ARHGEF37: variants seen among roughly 807,000 people sequenced by gnomAD.
ARHGEF37 encodes Rho guanine nucleotide exchange factor 37, also known as Rho guanine nucleotide exchange factor (GEF) 37.
A neutral mutation model predicts 71.1 loss-of-function variants in ARHGEF37; 55 were observed. The observed-to-expected ratio is 0.77, with a 90% confidence interval of 0.62 to 0.97. The LOEUF is 0.97. Ranked by LOEUF, ARHGEF37 falls within the 50% of genes least tolerant of loss-of-function variation. The pLI, the probability that ARHGEF37 is intolerant of heterozygous loss-of-function variation, is 0.00. For synonymous variants in ARHGEF37, 327 were observed against 350.6 expected (o/e 0.93, Z 0.75); for missense variants, 765 against 836.8 (o/e 0.91, Z 1.06).
At chr5:149,615,240 G>A (rs1257167351) in intron 4 of ARHGEF37, among the ~76,000 whole-genome samples, 3 of 150,984 alleles carry the variant, frequency 2.0e-5, no homozygotes, top group African/African-American at 4.9e-5. Flanking sequence ...GTGTATCCTC[G>A]TACTCCTGGG....
In ARHGEF37 at chr5:149,609,539, C is replaced by A; in HGVS notation, c.311-9C>A. On this transcript the variant is annotated splice_polypyrimidine_tract_variant and intron_variant, in intron 3 of 12. Transcript: ENST00000333677. ...CCTTGACGACCCCTTGTTGCGTCTTCACTCTCAGGTAACATATTTCTGGAA... is the reference window on the plus strand; with the variant it reads ...CCTTGACGACCCCTTGTTGCGTCTTAACTCTCAGGTAACATATTTCTGGAA... The A allele has an allele frequency of 1.2e-6, 2 of 1,613,666 alleles. No individual in the cohort carries two copies. The highest frequency in any genetic ancestry group is 1.1e-5 in the South Asian group (1 of 91,032).
intron 10 of ARHGEF37, among the ~76,000 whole-genome samples, chr5:149,626,690 A>G (rs1202092632): frequency 6.6e-6 from 1 of 152,200 alleles, no homozygotes; most frequent in Non-Finnish European, 1.5e-5. Context: ...AACCAGATGA[A>G]TAAGGTCTGG....
chr5:149,626,464 C>T (rs749620643), intron 10 of ARHGEF37, among the ~76,000 whole-genome samples: 1 of 152,092 alleles, frequency 6.6e-6, no homozygotes, highest in Non-Finnish European at 1.5e-5. Flanking sequence ...AAAGTGCCAC[C>T]GAATCATTCT....
chr5:149,583,222 C>T (rs556060023), intron 1 of ARHGEF37, among the ~76,000 whole-genome samples: 9 of 152,172 alleles, frequency 5.9e-5, no homozygotes, highest in Non-Finnish European at 8.8e-5. Context: ...CTGCAACCTC[C>T]GCCTCCCGGG....
At chr5:149,614,445 C>G (rs1247235644) in intron 4 of ARHGEF37, among the ~76,000 whole-genome samples, 1 of 152,034 alleles carries the variant, frequency 6.6e-6, no homozygotes, top group Non-Finnish European at 1.5e-5. Context: ...AAGTATTGTC[C>G]AAATTACCTT....
intron 1 of ARHGEF37, among the ~76,000 whole-genome samples, chr5:149,568,667 T>G (rs1037709464): frequency 3.3e-5 from 5 of 151,926 alleles, no homozygotes; most frequent in African/African-American, 1.2e-4. Flanking sequence ...AAAAATTAGC[T>G]GGGCATGGCA....
At chr5:149,617,778 G>A (rs1024711056) in intron 5 of ARHGEF37, among the ~76,000 whole-genome samples, 5 of 152,172 alleles carry the variant, frequency 3.3e-5, no homozygotes, top group Admixed American at 6.5e-5. Context: ...AGTCAGGACC[G>A]GGAAGCGTGG....
chr5:149,591,919 T>C (rs573118645), intron 1 of ARHGEF37, among the ~76,000 whole-genome samples: 3 of 152,236 alleles, frequency 2.0e-5, no homozygotes, highest in Non-Finnish European at 4.4e-5. Context: ...ATTTTTTACT[T>C]ATACATTTTT....
At chr5:149,627,523 G>A (rs1225437850) in intron 11 of ARHGEF37, among the ~76,000 whole-genome samples, 2 of 152,232 alleles carry the variant, frequency 1.3e-5, no homozygotes, top group East Asian at 3.9e-4. Context: ...TGTGCTGGGC[G>A]CTGAGCATAT....
intron 5 of ARHGEF37, 109 bp from the exon 6 acceptor site, chr5:149,618,067 C>A: frequency 6.8e-7 from 1 of 1,464,622 alleles, no homozygotes; most frequent in Non-Finnish European, 9.4e-7. Flanking sequence ...ATGAATGTGA[C>A]CCTGATGGAG....
chr5:149,619,121 A>G, intron 7 of ARHGEF37, 79 bp downstream of exon 7: 1 of 1,183,336 alleles, frequency 8.5e-7, no homozygotes. Context: ...CCCAGCCTAC[A>G]AGCTGGGAAA....
In ARHGEF37 at chr5:149,600,214, A is replaced by G. The variant is rs140643767; in HGVS notation, c.187-894A>G. Among the ~76,000 whole-genome samples the G allele has an allele frequency of 2.2e-3, 331 of 152,338 alleles. 2 individuals carry two copies. The highest frequency in any genetic ancestry group is 7.3e-3 in the African/African-American group (304 of 41,578). ...AAATATGATATTATAATCCTATGAG[A>G]TCACCCTGGTATATGCAGTTTATCA... On this transcript the variant is annotated intron_variant, in intron 2 of 12. Transcript: ENST00000333677.
upstream of ARHGEF37, among the ~76,000 whole-genome samples, chr5:149,578,997 A>G (rs190345948): frequency 2.6e-4 from 40 of 152,300 alleles, no homozygotes; most frequent in African/African-American, 9.6e-4. Flanking sequence ...CAAATGAAAA[A>G]TATTATCCAG....
chr5:149,628,054 G>A (rs772871060), intron 11 of ARHGEF37, among the ~76,000 whole-genome samples: 13 of 152,242 alleles, frequency 8.5e-5, no homozygotes, highest in South Asian at 2.1e-4. Flanking sequence ...TTAAGAAAGC[G>A]GTACAAATCA....
At chr5:149,611,768 A>G (rs1441809604) in intron 4 of ARHGEF37, among the ~76,000 whole-genome samples, 1 of 152,258 alleles carries the variant, frequency 6.6e-6, no homozygotes, top group African/African-American at 2.4e-5. Context: ...CTGAGACCAC[A>G]CTGTAGTTCT....
chr5:149,571,636 G>A (rs1762966702), intron 1 of ARHGEF37, among the ~76,000 whole-genome samples: 1 of 152,050 alleles, frequency 6.6e-6, no homozygotes, highest in Non-Finnish European at 1.5e-5. Context: ...AATTGACAAC[G>A]TGGGCCAGGC....
Position 149,628,587 on chromosome 5 carries a change from C to T in ARHGEF37, c.1661-222C>T, listed in dbSNP as rs115908541. Among the ~76,000 whole-genome samples the T allele has an allele frequency of 9.6e-3, 1,462 of 152,238 alleles. 26 individuals are homozygous for T. Among genetic ancestry groups the T allele is most frequent in the African/African-American group, 0.031 (1,299 of 41,552 alleles). ...TCTATCATAGCTGATCAAAGGGAGT[C>T]GTCTGTCCGGTAGGGAATGAGCCCC... On this transcript the variant is annotated intron_variant, in intron 11 of 12. Transcript: ENST00000333677.
At chr5:149,606,298 T>TG (rs150079710) in intron 3 of ARHGEF37, among the ~76,000 whole-genome samples, 1,551 of 152,336 alleles carry the variant, frequency 0.01, 35 homozygotes, top group African/African-American at 0.035. Flanking sequence ...GGTCATGTTC[T>TG]GTCTGGCTCT....
At chr5:149,620,488 C>G (rs946504613) in intron 8 of ARHGEF37, 24 bp downstream of exon 8, 1 of 1,547,332 alleles carries the variant, frequency 6.5e-7, no homozygotes, top group Admixed American at 1.8e-5. Flanking sequence ...TTCCTTTCTC[C>G]TTTCTTTGTT....
Sources: allele counts gnomAD v4.1 joint callset (sites outside exome capture counted in the v4.1 genomes callset), GRCh38; gene constraint gnomAD v4.1.1; transcripts MANE v1.5; gene names NCBI Gene and HGNC (gene_info 2026-07-23, HGNC 2026-07-21).